The following TAFA1 variants were observed in gnomAD, a reference collection of about 807,000 sequenced individuals.
The protein encoded by TAFA1 is chemokine-like protein TAFA-1.
TAFA1 carries 4 observed loss-of-function variants against 18.5 expected under a neutral mutation model. The observed-to-expected ratio is 0.22, with a 90% confidence interval of 0.11 to 0.49. The LOEUF is 0.49. Among genes scored for constraint, TAFA1 ranks in the 20% least tolerant of loss-of-function variants. TAFA1 has a pLI of 0.98. For missense variants in TAFA1, 147 were observed against 169.0 expected (o/e 0.87, Z 0.72); for synonymous variants, 56 against 55.2 (o/e 1.01, Z -0.06).
chr3:68,394,837 A>T (rs1211286072), intron 2 of TAFA1, among the ~76,000 whole-genome samples: 1 of 152,226 alleles, frequency 6.6e-6, no homozygotes, highest in Non-Finnish European at 1.5e-5. Flanking sequence ...TCCTAAAACC[A>T]TAAAAACTCT....
Position 68,280,332 on chromosome 3 carries a change from G to A in TAFA1, c.119-136948G>A, listed in dbSNP as rs73836846. The stretch of plus-strand genomic sequence containing the variant: ...CTCATTCTTTCAATACCATTGATCC[G>A]TTTAACAACCCTGGCTGGCAATCTC... On this transcript the variant is annotated intron_variant, in intron 2 of 4. Coordinates refer to ENST00000478136, the MANE Select transcript of TAFA1 (RefSeq NM_213609.4). Among the ~76,000 whole-genome samples, 411 of 152,176 alleles carry A rather than the reference G, an allele frequency of 2.7e-3. 3 individuals are homozygous for A. The highest frequency in any genetic ancestry group is 9.2e-3 in the African/African-American group (384 of 41,538).
intron 2 of TAFA1, among the ~76,000 whole-genome samples, chr3:68,178,656 C>G (rs1039521026): frequency 2.6e-5 from 4 of 152,208 alleles, no homozygotes; most frequent in African/African-American, 9.7e-5. Context: ...GCGGAAATAC[C>G]TTGGCATGCA....
chr3:68,452,993 T>G (rs551633564), intron 3 of TAFA1, among the ~76,000 whole-genome samples: 1 of 152,350 alleles, frequency 6.6e-6, no homozygotes, highest in East Asian at 1.9e-4. Context: ...CTTTGAATGA[T>G]AATATAAATT....
intron 3 of TAFA1, among the ~76,000 whole-genome samples, chr3:68,491,937 G>A (rs1227063900): frequency 1.3e-5 from 2 of 152,156 alleles, no homozygotes; most frequent in Non-Finnish European, 2.9e-5. Flanking sequence ...GCCCACCAAA[G>A]ACAGAGGAGC....
At chr3:68,354,450 T>C (rs1180576527) in intron 2 of TAFA1, among the ~76,000 whole-genome samples, 2 of 151,916 alleles carry the variant, frequency 1.3e-5, no homozygotes, top group Non-Finnish European at 2.9e-5. Context: ...TCCGCTACTC[T>C]CTATTGCCTC....
intron 2 of TAFA1, among the ~76,000 whole-genome samples, chr3:68,397,394 G>A (rs572856383): frequency 5.3e-5 from 8 of 152,260 alleles, no homozygotes; most frequent in African/African-American, 1.7e-4. Flanking sequence ...TTCCATTTAT[G>A]AGTGAGAACA....
intron 4 of TAFA1, among the ~76,000 whole-genome samples, chr3:68,543,811 T>G (rs2073415347): frequency 1.3e-5 from 2 of 152,140 alleles, no homozygotes; most frequent in Admixed American, 6.6e-5. Context: ...TCAAGTGGAT[T>G]AAGACATCTA....
chr3:68,472,503 TACACAC>T (rs144677943), intron 3 of TAFA1, among the ~76,000 whole-genome samples: 5,088 of 141,166 alleles, frequency 0.036, 139 homozygotes, highest in Non-Finnish European at 0.04. Context: ...TAGAACTAAA[TACACAC>T]ACACACACAC....
At chr3:68,007,730 T>C (rs1575570504) in intron 2 of TAFA1, among the ~76,000 whole-genome samples, 1 of 151,094 alleles carries the variant, frequency 6.6e-6, no homozygotes, top group South Asian at 2.1e-4. Context: ...CCTCTCCAAA[T>C]CCCATCAATG....
intron 2 of TAFA1, among the ~76,000 whole-genome samples, chr3:68,177,363 TAC>T (rs1160773414): frequency 6.6e-6 from 1 of 152,168 alleles, no homozygotes; most frequent in East Asian, 1.9e-4. Flanking sequence ...TAGATGTAGC[TAC>T]AGAGCTCATG....
intron 2 of TAFA1, among the ~76,000 whole-genome samples, chr3:68,127,485 G>A (rs1316216448): frequency 6.6e-6 from 1 of 151,546 alleles, no homozygotes; most frequent in Non-Finnish European, 1.5e-5. Flanking sequence ...CATTGAGTAG[G>A]TCTTGAAGAT....
At chr3:68,231,430 G>C (rs541293173) in intron 2 of TAFA1, among the ~76,000 whole-genome samples, 2 of 131,566 alleles carry the variant, frequency 1.5e-5, no homozygotes, top group Non-Finnish European at 3.1e-5. Context: ...GCGCAATCTC[G>C]GCTCACTGCA....
At chr3:68,172,833 A>G (rs2066073656) in intron 2 of TAFA1, among the ~76,000 whole-genome samples, 1 of 152,174 alleles carries the variant, frequency 6.6e-6, no homozygotes, top group African/African-American at 2.4e-5. Flanking sequence ...CTGTAGAGAC[A>G]TAAATGGATT....
At chr3:68,299,904 T>C (rs9878490) in intron 2 of TAFA1, among the ~76,000 whole-genome samples, 9,647 of 152,320 alleles carry the variant, frequency 0.063, 475 homozygotes, top group African/African-American at 0.13. Flanking sequence ...TGGAAACCTC[T>C]GCCTAGATTT....
intron 3 of TAFA1, among the ~76,000 whole-genome samples, chr3:68,501,567 A>G (rs2072660030): frequency 1.3e-5 from 2 of 152,186 alleles, no homozygotes; most frequent in African/African-American, 2.4e-5. Context: ...CCAAATATTT[A>G]ATCAATATAT....
intron 2 of TAFA1, among the ~76,000 whole-genome samples, chr3:68,129,767 T>C (rs2065515408): frequency 1.3e-5 from 2 of 152,216 alleles, no homozygotes; most frequent in Non-Finnish European, 2.9e-5. Context: ...TGTAATACAG[T>C]GTTTGACATA....
chr3:68,483,961 C>A (rs192957652), intron 3 of TAFA1, among the ~76,000 whole-genome samples: 2 of 152,322 alleles, frequency 1.3e-5, no homozygotes, highest in East Asian at 3.9e-4. Context: ...GGGAGAAACA[C>A]AATCTGATAC....
chr3:68,237,674 A>G (rs1261181159), intron 2 of TAFA1, among the ~76,000 whole-genome samples: 1 of 152,110 alleles, frequency 6.6e-6, no homozygotes, highest in Non-Finnish European at 1.5e-5. Flanking sequence ...TTTGCCTTAA[A>G]ATTTTATTGG....
At chr3:68,413,123 G>A (rs923011869) in intron 2 of TAFA1, among the ~76,000 whole-genome samples, 2 of 152,098 alleles carry the variant, frequency 1.3e-5, no homozygotes, top group Non-Finnish European at 2.9e-5. Context: ...TTCTCTGATG[G>A]CCAGTGATGA....
Sources: gnomAD v4.1 joint callset for allele counts (sites outside exome capture counted in the v4.1 genomes callset) on GRCh38, gnomAD v4.1.1 for gene constraint, MANE v1.5 for transcripts, NCBI Gene and HGNC (gene_info 2026-07-23, HGNC 2026-07-21) for gene names.